HCN1: variants seen among roughly 807,000 people sequenced by gnomAD.
HCN1 encodes hyperpolarization activated cyclic nucleotide gated potassium channel 1, also known as potassium/sodium hyperpolarization-activated cyclic nucleotide-gated channel 1.
Under a neutral mutation model 78.9 loss-of-function variants are expected in HCN1, and 13 were observed. The ratio of observed to expected loss-of-function variants is 0.16; its 90% CI spans 0.11 to 0.26. HCN1 has a LOEUF of 0.26. Among genes scored for constraint, HCN1 ranks in the 10% least tolerant of loss-of-function variants. The probability of loss-of-function intolerance (pLI) is 1.00; values close to 1 mark genes in which losing one functional copy is unlikely to be tolerated. For missense variants in HCN1, 810 were observed against 1,154.3 expected (o/e 0.70, Z 4.32); for synonymous variants, 552 against 455.5 (o/e 1.21, Z -2.70).
At chr5:45,388,798 A>C (rs1034150642) in intron 4 of HCN1, among the ~76,000 whole-genome samples, 2 of 152,234 alleles carry the variant, frequency 1.3e-5, no homozygotes, top group East Asian at 3.9e-4. Context: ...TGAATTGTTG[A>C]GTCTCTGTCT....
chr5:45,263,044 A>G (rs1426396154), intron 7 of HCN1, among the ~76,000 whole-genome samples: 2 of 152,214 alleles, frequency 1.3e-5, no homozygotes, highest in Admixed American at 1.3e-4. Context: ...TAATATGGCA[A>G]AGAGCCACTT....
At chr5:45,324,930 C>A (rs979491299) in intron 5 of HCN1, among the ~76,000 whole-genome samples, 43 of 151,888 alleles carry the variant, frequency 2.8e-4, no homozygotes, top group African/African-American at 1.0e-3. Context: ...CAAGCTTCTA[C>A]TCCTTTGGAG....
chr5:45,668,286 T>C (rs930470977), intron 1 of HCN1, among the ~76,000 whole-genome samples: 1 of 151,824 alleles, frequency 6.6e-6, no homozygotes, highest in African/African-American at 2.4e-5. Context: ...AGGGATTCGG[T>C]GGGAGGTGAT....
At position 45,659,155 on chromosome 5, in the gene HCN1, C is replaced by T. The variant is rs888982764; in HGVS notation, c.426-13547G>A. Among the ~76,000 whole-genome samples, 600 of 150,540 alleles carry T rather than the reference C, an allele frequency of 4.0e-3. 1 individual carries two copies. The highest frequency in any genetic ancestry group is 0.014 in the African/African-American group (567 of 41,184). On this transcript the variant is annotated intron_variant, in intron 1 of 7. Transcript: ENST00000303230. ...AAGTGGGTCCCTGACCCCTGACCCC[C>T]GAGCAGCCTAACTGGGAGGCACCCC...
At chr5:45,582,970 T>C (rs1441333937) in intron 2 of HCN1, among the ~76,000 whole-genome samples, 1 of 112,908 alleles carries the variant, frequency 8.9e-6, no homozygotes, top group Non-Finnish European at 1.9e-5. Flanking sequence ...AGGATATTGG[T>C]CTAAAATTCT....
At chr5:45,481,566 T>G (rs1741651387) in intron 2 of HCN1, among the ~76,000 whole-genome samples, 1 of 152,140 alleles carries the variant, frequency 6.6e-6, no homozygotes, top group Non-Finnish European at 1.5e-5. Context: ...GGAGGACTGA[T>G]GAATGGAAAG....
chr5:45,298,601 T>A (rs1269738095), intron 6 of HCN1, among the ~76,000 whole-genome samples: 1 of 151,924 alleles, frequency 6.6e-6, no homozygotes, highest in Non-Finnish European at 1.5e-5. Flanking sequence ...ACCCAAATTA[T>A]AAAATAAATA....
At chr5:45,669,246 G>A (rs1746106594) in intron 1 of HCN1, among the ~76,000 whole-genome samples, 1 of 151,838 alleles carries the variant, frequency 6.6e-6, no homozygotes. Context: ...ATGGAGTCAG[G>A]AGTCTTTGTG....
At chr5:45,376,227 AT>A (rs1747657247) in intron 4 of HCN1, among the ~76,000 whole-genome samples, 1 of 106,532 alleles carries the variant, frequency 9.4e-6, no homozygotes, top group African/African-American at 4.2e-5. Flanking sequence ...ATTATATATA[AT>A]ATATATTCTA....
At chr5:45,556,328 A>G (rs1034730302) in intron 2 of HCN1, among the ~76,000 whole-genome samples, 3 of 151,874 alleles carry the variant, frequency 2.0e-5, no homozygotes, top group African/African-American at 7.2e-5. Flanking sequence ...TTACCAAGGA[A>G]CTCTAGATGT....
At chr5:45,320,304 A>AT (rs532776902) in intron 5 of HCN1, among the ~76,000 whole-genome samples, 150 of 151,826 alleles carry the variant, frequency 9.9e-4, no homozygotes, top group South Asian at 9.1e-3. Flanking sequence ...CAAATATCCC[A>AT]TTTTTTCTTT....
chr5:45,454,104 T>A (rs966744870), intron 3 of HCN1, among the ~76,000 whole-genome samples: 17 of 152,102 alleles, frequency 1.1e-4, no homozygotes, highest in African/African-American at 3.9e-4. Flanking sequence ...CTCATCAATA[T>A]CCTGTATCCC....
At chr5:45,563,662 A>G (rs1284560315) in intron 2 of HCN1, among the ~76,000 whole-genome samples, 4 of 152,152 alleles carry the variant, frequency 2.6e-5, no homozygotes. Context: ...CAATTCTAAC[A>G]ACACTTCACA....
chr5:45,585,061 T>C (rs779830656), intron 2 of HCN1, among the ~76,000 whole-genome samples: 30 of 152,204 alleles, frequency 2.0e-4, no homozygotes, highest in Non-Finnish European at 4.1e-4. Context: ...GTTTCCTGAA[T>C]TTGAATGTTG....
rs764282200 is a variant in HCN1, at chr5:45,396,570, G to T, written c.1152C>A (p.Thr384=). The change falls in exon 4 of 8, where the codon ACC becomes ACA. Residue 384 remains threonine (T), a synonymous_variant. Coordinates refer to ENST00000303230, the MANE Select transcript of HCN1 (RefSeq NM_021072.4). ...CATGGCCGACAAACATGGCATAGCA[G>T]GTGGCCCCGACGATCATGCTCAGCA... is the stretch of plus-strand genomic sequence containing the variant. The part of the protein sequence containing the change: ...ITMLSMIVGA[T]CYAMFVGHAT... 1.4e-5 allele frequency: 22 copies of T among 1,613,762 alleles called. No individual in the cohort carries two copies. The highest frequency in any genetic ancestry group is 1.9e-5 in the Non-Finnish European group (22 of 1,179,894).
chr5:45,374,452 AG>A (rs1747553695), intron 4 of HCN1, among the ~76,000 whole-genome samples: 1 of 149,270 alleles, frequency 6.7e-6, no homozygotes, highest in Admixed American at 6.9e-5. Context: ...TGAATCAAGA[AG>A]AAATGTAATC....
chr5:45,597,888 C>A (rs1373146133), intron 2 of HCN1, among the ~76,000 whole-genome samples: 1 of 152,126 alleles, frequency 6.6e-6, no homozygotes, highest in Non-Finnish European at 1.5e-5. Context: ...AGGAGAACTA[C>A]AAACCACTGC....
intron 1 of HCN1, among the ~76,000 whole-genome samples, chr5:45,690,301 A>T (rs1739885275): frequency 6.6e-6 from 1 of 152,112 alleles, no homozygotes; most frequent in African/African-American, 2.4e-5. Context: ...CTGCGTGGTC[A>T]ACTATTAGAC....
At chr5:45,316,332 A>C (rs1310325965) in intron 5 of HCN1, among the ~76,000 whole-genome samples, 2 of 152,210 alleles carry the variant, frequency 1.3e-5, no homozygotes, top group Non-Finnish European at 2.9e-5. Context: ...ATCTCAATAG[A>C]TGCAGAAAAG....
Sources: allele counts gnomAD v4.1 joint callset (sites outside exome capture counted in the v4.1 genomes callset), GRCh38; gene constraint gnomAD v4.1.1; transcripts MANE v1.5; gene names NCBI Gene and HGNC (gene_info 2026-07-23, HGNC 2026-07-21).